Variants in NLRP12 observed in about 807,000 individuals in gnomAD.
The protein encoded by NLRP12 is NLR family pyrin domain containing 12.
NLRP12 carries 108 observed loss-of-function variants against 91.2 expected under a neutral mutation model. That is an observed-to-expected ratio of 1.18 (90% confidence interval 1.01 to 1.39). NLRP12 has a LOEUF of 1.39. Among genes scored for constraint, NLRP12 ranks in the 40% most tolerant of loss-of-function variants. The pLI is 0.00. For missense variants in NLRP12, 1,530 were observed against 1,352.7 expected, an observed-to-expected ratio of 1.13 and a Z score of -2.06; for synonymous variants, 613 against 566.7, an observed-to-expected ratio of 1.08 and a Z score of -1.16.
intron 1 of NLRP12, among the ~76,000 whole-genome samples, chr19:53,821,949 G>A (rs2092269419): frequency 6.6e-6 from 1 of 152,124 alleles, no homozygotes; most frequent in Non-Finnish European, 1.5e-5. Context: ...CATGTTCTTT[G>A]CAGTAACATG....
intron 9 of NLRP12, among the ~76,000 whole-genome samples, chr19:53,795,175 C>T (rs2091731078): frequency 6.6e-6 from 1 of 151,300 alleles, no homozygotes; most frequent in Non-Finnish European, 1.5e-5. Flanking sequence ...TGTCAAAGTA[C>T]TGGGATTACA....
chr19:53,794,253 C>A, intron 9 of NLRP12, 117 bp from the exon 10 acceptor site: 1 of 778,954 alleles, frequency 1.3e-6, no homozygotes, highest in South Asian at 1.4e-5. Context: ...TCCAGAAATT[C>A]CACCCAACGC....
Position 53,809,757 on chromosome 19 carries a change from C to CAACAT in NLRP12, c.1901_1902insATGTT (p.Val635CysfsTer3). 1 of 1,614,186 alleles carries CAACAT rather than the reference C, an allele frequency of 6.2e-7. No homozygotes were observed. Among genetic ancestry groups the CAACAT allele is most frequent in the Non-Finnish European group, 8.5e-7 (1 of 1,180,036 alleles). On this transcript the variant is annotated frameshift_variant, in exon 3 of 10. Transcript: ENST00000324134. LOFTEE classifies it high-confidence loss of function. ...AGGCAATGTTGCTGACCACGATCAC[C>CAACAT]TGGAAGTGGCTCAGGGCCTGCTGGA...
intron 1 of NLRP12, among the ~76,000 whole-genome samples, chr19:53,822,441 A>C (rs957239857): frequency 3.3e-5 from 5 of 151,512 alleles, no homozygotes; most frequent in Non-Finnish European, 5.9e-5. Flanking sequence ...ACATAAGGAC[A>C]CCTCATCTTG....
chr19:53,821,428 G>A (rs1477167282), intron 1 of NLRP12, among the ~76,000 whole-genome samples: 1 of 152,044 alleles, frequency 6.6e-6, no homozygotes, highest in Non-Finnish European at 1.5e-5. Context: ...CAGCACTTTG[G>A]GAGGCCGAGA....
chr19:53,796,368 C>T (rs1171438241), intron 8 of NLRP12, among the ~76,000 whole-genome samples: 1 of 131,370 alleles, frequency 7.6e-6, no homozygotes, highest in East Asian at 2.0e-4. Flanking sequence ...TCTCCTGCCT[C>T]AGCCTCCCCA....
chr19:53,799,756 T>G, intron 7 of NLRP12, among the ~76,000 whole-genome samples: 1 of 152,100 alleles, frequency 6.6e-6, no homozygotes, highest in East Asian at 1.9e-4. Flanking sequence ...GTGCTAAGAT[T>G]ACAGGTGTGA....
intron 9 of NLRP12, among the ~76,000 whole-genome samples, chr19:53,795,576 A>G (rs80076838): frequency 0.54 from 79,218 of 147,610 alleles, 21,676 homozygotes; most frequent in South Asian, 0.62. Context: ...GGGTTTCGCC[A>G]TTTTAGCCAG....
chr19:53,821,651 G>A (rs2092266395), intron 1 of NLRP12, among the ~76,000 whole-genome samples: 1 of 152,044 alleles, frequency 6.6e-6, no homozygotes. Context: ...CTGGGCGACA[G>A]AGCAAGACTC....
At chr19:53,801,739 G>A (rs995593257) in intron 6 of NLRP12, among the ~76,000 whole-genome samples, 2 of 151,834 alleles carry the variant, frequency 1.3e-5, no homozygotes, top group Non-Finnish European at 2.9e-5. Flanking sequence ...ACAGGCGTGA[G>A]CCACTGCGCC....
intron 7 of NLRP12, among the ~76,000 whole-genome samples, chr19:53,799,636 C>T (rs568480041): frequency 6.6e-6 from 1 of 152,116 alleles, no homozygotes; most frequent in African/African-American, 2.4e-5. Context: ...GCGTCCGCCA[C>T]CATGCCTGGC....
Position 53,824,039 on chromosome 19 carries a change from CCCAGGGG to C in NLRP12, c.129_135del (p.Ile43MetfsTer36), listed in dbSNP as rs1178211253. On this transcript the variant is annotated frameshift_variant, in exon 1 of 10. Transcript: ENST00000324134. LOFTEE classifies it high-confidence loss of function. ...AGGGGACCGGCCTTCTCCATGCTTC[CCCAGGGG>C]ATCTTGCCTTCTCCCAGCTCTGTCG... 6.2e-7 allele frequency: 1 copy of C among 1,614,188 alleles called. No individual in the cohort carries two copies. The highest frequency in any genetic ancestry group is 8.5e-7 in the Non-Finnish European group (1 of 1,180,036).
At chr19:53,816,276 C>T (rs757039507) in intron 1 of NLRP12, among the ~76,000 whole-genome samples, 5 of 152,064 alleles carry the variant, frequency 3.3e-5, no homozygotes, top group Non-Finnish European at 7.4e-5. Flanking sequence ...AAGTTTTCAC[C>T]TCCCTGCTGG....
chr19:53,823,447 T>TAAATATATTTTTA (rs1475802954), intron 1 of NLRP12, among the ~76,000 whole-genome samples: 14 of 66,012 alleles, frequency 2.1e-4, no homozygotes, highest in Non-Finnish European at 4.0e-4. Flanking sequence ...ATATATGTTT[T>TAAATATATTTTTA]AAATATATAT....
intron 3 of NLRP12, among the ~76,000 whole-genome samples, chr19:53,809,224 TAA>T (rs3973673): frequency 0.015 from 1,959 of 133,606 alleles, 22 homozygotes; most frequent in African/African-American, 0.034. Flanking sequence ...AGACTTAGTT[TAA>T]AAAAAAAAAA....
chr19:53,810,091 G>C lies in NLRP12; in HGVS notation c.1568C>G (p.Ala523Gly), dbSNP rs1036210460. The C allele has an allele frequency of 8.7e-6, 14 of 1,614,066 alleles. No homozygotes were observed. The highest frequency in any genetic ancestry group is 1.6e-4 in the Middle Eastern group (1 of 6,084). Reference sequence around the variant, plus strand: ...CCCCTCGTCCAGGATATAGTACATAGCTGCAAAGAATTCCTGGAAACTCAA... The same window carrying C: ...CCCCTCGTCCAGGATATAGTACATACCTGCAAAGAATTCCTGGAAACTCAA... ...IHLSFQEFFA[A>G]MYYILDEGEG... The change falls in exon 3 of 10, where the codon GCT (alanine) becomes GGT (glycine). Residue 523 changes from alanine to glycine, a missense_variant. Ala to Gly is a moderately conservative substitution (Grantham distance 60). Transcript: ENST00000324134.
Position 53,815,000 on chromosome 19 carries a change from A to C in NLRP12, c.290-12T>G. 6.2e-7 allele frequency: 1 copy of C among 1,602,938 alleles called. No homozygotes were observed. Among genetic ancestry groups the C allele is most frequent in the South Asian group, 1.1e-5 (1 of 90,876 alleles). ...ACCAGGTGGGGTATCTGGAAGAGAA[A>C]TTGTGGAAGATGAGCTAGCACGCAT... On this transcript the variant is annotated splice_polypyrimidine_tract_variant and intron_variant, in intron 1 of 9. Transcript: ENST00000324134.
intron 2 of NLRP12, among the ~76,000 whole-genome samples, chr19:53,814,274 G>A (rs1176819369): frequency 6.6e-6 from 1 of 152,126 alleles, no homozygotes; most frequent in African/African-American, 2.4e-5. Context: ...TCTGAGAATG[G>A]GCAGATTCCC....
rs73608454 is a variant in NLRP12 at position 53,809,928 on chromosome 19, C to T, written c.1731G>A (p.Lys577=). ...GCGGCGAGACCTTCCAGCAGAGACT[C>T]TTCTCCAGGTGGCTCCTGGTCTCCT... ...LNEETRSHLE[K]SLCWKVSPHI... is the part of the protein sequence containing the mutation. The change falls in exon 3 of 10, where the codon AAG becomes AAA. Residue 577 remains lysine, a synonymous_variant. Transcript: ENST00000324134. The T allele has an allele frequency of 2.6e-4, 424 of 1,614,138 alleles. 2 individuals are homozygous for T. The African/African-American group carries it at 4.7e-3, about 18-fold the overall frequency.
Sources: allele counts gnomAD v4.1 joint callset (sites outside exome capture counted in the v4.1 genomes callset), GRCh38; gene constraint gnomAD v4.1.1; transcripts MANE v1.5; gene names NCBI Gene and HGNC (gene_info 2026-07-23, HGNC 2026-07-21).